Variants in NF2 observed in about 807,000 individuals in gnomAD.
The protein encoded by NF2 is merlin.
A neutral mutation model predicts 83.7 loss-of-function variants in NF2; 8 were observed. That is an observed-to-expected ratio of 0.10 (90% CI 0.06 to 0.17). The LOEUF (loss-of-function observed/expected upper bound fraction) is 0.17, where lower values mean the gene tolerates loss of function less well. Ranked by LOEUF, NF2 falls within the 10% of genes least tolerant of loss-of-function variation. NF2 has a pLI of 1.00. For missense variants in NF2, 533 were observed against 744.4 expected, an observed-to-expected ratio of 0.72 and a Z score of 3.31; for synonymous variants, 266 against 269.6, an observed-to-expected ratio of 0.99 and a Z score of 0.13.
intron 6 of NF2, among the ~76,000 whole-genome samples, chr22:29,656,050 T>A (rs1260292986): frequency 1.3e-5 from 2 of 151,918 alleles, no homozygotes; most frequent in Non-Finnish European, 2.9e-5. Flanking sequence ...GCAAACCTCC[T>A]GCCTCAGCAC....
At chr22:29,669,104 C>A (rs1013509873) in intron 10 of NF2, among the ~76,000 whole-genome samples, 1 of 152,138 alleles carries the variant, frequency 6.6e-6, no homozygotes, top group Admixed American at 6.5e-5. Flanking sequence ...AGTTGGCTGC[C>A]CGCAGGACTT....
chr22:29,638,522 T>C (rs2065709583), intron 2 of NF2, among the ~76,000 whole-genome samples: 1 of 152,076 alleles, frequency 6.6e-6, no homozygotes, highest in Admixed American at 6.6e-5. Flanking sequence ...GGCTAATTTT[T>C]TGTATTTTTA....
At chr22:29,653,443 CAAAAAA>C (rs57099430) in intron 4 of NF2, among the ~76,000 whole-genome samples, 1 of 94,338 alleles carries the variant, frequency 1.1e-5, no homozygotes, top group African/African-American at 4.3e-5. Flanking sequence ...GACTCTGTCT[CAAAAAA>C]AAAAAAAAAA....
At position 29,697,848 on chromosome 22, in the gene NF2, G is replaced by A. The variant is rs750347453; in HGVS notation, c.*3046G>A. ...CCCAAAGTGCTGGGATTACAGGCAT[G>A]AGCCACCGCGCTTGGCCAGACTGCG... On this transcript the variant is annotated 3_prime_UTR_variant, in exon 16 of 16. Transcript: ENST00000338641. 4 of 190,494 alleles carry A rather than the reference G, an allele frequency of 2.1e-5. No individual in the cohort carries two copies. The highest frequency in any genetic ancestry group is 4.4e-5 in the Non-Finnish European group (4 of 90,814). The allele number at this position is 190,494 out of a possible 1,614,324, so 11.8% of individuals were successfully genotyped here.
In NF2 at chr22:29,673,404, G is replaced by A. The variant is rs758128105; in HGVS notation, c.1258G>A (p.Glu420Lys). The A allele has an allele frequency of 6.2e-7, 1 of 1,612,606 alleles. No homozygotes were observed. The highest frequency in any genetic ancestry group is 8.5e-7 in the Non-Finnish European group (1 of 1,179,588). ...CATCAAGGCCACAGCGATTCGCACG[G>A]AGGAGGAGAAGCGCCTGATGGAGCA... ...QRIKATAIRT[E>K]EEKRLMEQKV... Residue 420 changes from glutamate (E) to lysine (K), a missense_variant, in exon 12 of 16, where the codon GAG becomes AAG. Physicochemically the swap from Glu to Lys is moderately conservative, Grantham distance 56. Around this residue, in one of 3 missense-constraint regions of NF2, gnomAD observed 199 missense variants for 240.7 expected, o/e 0.83. Transcript: ENST00000338641.
At chr22:29,628,625 ATCT>A (rs951541716) in intron 1 of NF2, among the ~76,000 whole-genome samples, 4 of 126,820 alleles carry the variant, frequency 3.2e-5, no homozygotes, top group African/African-American at 1.2e-4. Flanking sequence ...AGTTTGTGAC[ATCT>A]TTTTTTTTTT....
intron 1 of NF2, among the ~76,000 whole-genome samples, chr22:29,613,497 C>G (rs765802522): frequency 6.6e-6 from 1 of 152,118 alleles, no homozygotes; most frequent in Non-Finnish European, 1.5e-5. Flanking sequence ...TGCTATTGCA[C>G]TCCAGCCTGG....
intron 1 of NF2, among the ~76,000 whole-genome samples, chr22:29,619,940 A>G (rs774525404): frequency 6.6e-6 from 1 of 152,218 alleles, no homozygotes; most frequent in Non-Finnish European, 1.5e-5. Context: ...CTCATTTGAT[A>G]TAACAGGGAC....
chr22:29,619,381 GTTT>G (rs1212285637), intron 1 of NF2, among the ~76,000 whole-genome samples: 2 of 144,450 alleles, frequency 1.4e-5, no homozygotes, highest in African/African-American at 5.1e-5. Context: ...TCTCCCATGG[GTTT>G]TTTTTGTTTG....
intron 1 of NF2, among the ~76,000 whole-genome samples, chr22:29,611,624 C>A (rs1012665102): frequency 6.6e-6 from 1 of 152,162 alleles, no homozygotes; most frequent in African/African-American, 2.4e-5. Context: ...CAGCATTGTA[C>A]TGGAGGTTCT....
intron 4 of NF2, among the ~76,000 whole-genome samples, chr22:29,649,457 C>T (rs1268238289): frequency 6.6e-6 from 1 of 152,162 alleles, no homozygotes; most frequent in Non-Finnish European, 1.5e-5. Flanking sequence ...TCCCAACTCT[C>T]AGGGAGGCAA....
chr22:29,665,186 A>G lies in NF2; in HGVS notation c.885+122A>G, dbSNP rs945779585. 5 of 805,928 alleles carry G rather than the reference A, an allele frequency of 6.2e-6. No individual in the cohort carries two copies. In the Admixed American group the frequency reaches 8.3e-5, roughly 13 times the overall value. 49.9% of individuals were successfully genotyped at this position (805,928 alleles called of 1,614,324 possible). Reference sequence around the variant, plus strand: ...TATAGAATGGTATCTCACTTGGCGCATACTTTCTGTTTAGCTTAAAGAGTT... The same window carrying G: ...TATAGAATGGTATCTCACTTGGCGCGTACTTTCTGTTTAGCTTAAAGAGTT... On this transcript the variant is annotated intron_variant, in intron 9 of 15. Transcript: ENST00000338641.
At chr22:29,669,855 A>G (rs1470138628) in intron 10 of NF2, among the ~76,000 whole-genome samples, 1 of 152,228 alleles carries the variant, frequency 6.6e-6, no homozygotes, top group African/African-American at 2.4e-5. Flanking sequence ...GAAACTAATG[A>G]TATACCTTCT....
intron 1 of NF2, among the ~76,000 whole-genome samples, chr22:29,627,594 G>T (rs778548413): frequency 2.6e-5 from 4 of 152,192 alleles, no homozygotes; most frequent in African/African-American, 4.8e-5. Context: ...ATAGACTTGT[G>T]TGTGGTTGAG....
intron 12 of NF2, among the ~76,000 whole-genome samples, 170 bp from the exon 13 acceptor site, chr22:29,674,666 G>A (rs1337881691): frequency 1.3e-5 from 2 of 152,138 alleles, no homozygotes; most frequent in East Asian, 3.9e-4. Flanking sequence ...TGTTGTCCTT[G>A]CTTGGAAGTT....
intron 1 of NF2, chr22:29,609,431 A>G: frequency 2.3e-6 from 1 of 432,908 alleles, no homozygotes; most frequent in Non-Finnish European, 4.5e-6. Flanking sequence ...AGGAGTGAAG[A>G]CCCTAGATCT....
chr22:29,696,071 T>TC lies in NF2; in HGVS notation c.*1269_*1270insC, dbSNP rs1339019150. Reference sequence around the variant, plus strand: ...GGGCCACCTTCTTGCCCTTTCTTTTTTTTTTTTTTTTTTTTTTTCCGAGAT... The same window carrying TC: ...GGGCCACCTTCTTGCCCTTTCTTTTTCTTTTTTTTTTTTTTTTTTCCGAGAT... On this transcript the variant is annotated 3_prime_UTR_variant, in exon 16 of 16. Coordinates refer to ENST00000338641, the MANE Select transcript of NF2 (RefSeq NM_000268.4). The TC allele has an allele frequency of 6.0e-5, 13 of 216,154 alleles. No individual in the cohort carries two copies. Among genetic ancestry groups the TC allele is most frequent in the African/African-American group, 2.4e-4 (10 of 42,044 alleles). The allele number at this position is 216,154 out of a possible 1,614,324, so 13.4% of individuals were successfully genotyped here. A position where few individuals can be genotyped will look rare whatever the true frequency, so the allele number is the denominator to read the frequency against.
chr22:29,683,411 C>T (rs368071707), intron 15 of NF2: 1 of 1,284,274 alleles, frequency 7.8e-7, no homozygotes, highest in South Asian at 1.7e-5. Context: ...GTGGCATACT[C>T]CTAGCATGGA....
intron 4 of NF2, among the ~76,000 whole-genome samples, chr22:29,646,438 T>C (rs2065983679): frequency 6.6e-6 from 1 of 152,232 alleles, no homozygotes; most frequent in Non-Finnish European, 1.5e-5. Context: ...GTTTCATTTA[T>C]ATGATCACAT....
Sources: allele counts gnomAD v4.1 joint callset (sites outside exome capture counted in the v4.1 genomes callset), GRCh38; gene constraint gnomAD v4.1.1; regional missense constraint gnomAD v4.1.1; transcripts MANE v1.5; gene names NCBI Gene and HGNC (gene_info 2026-07-23, HGNC 2026-07-21).